Variants in OTOGL observed in about 807,000 individuals in gnomAD.
The protein encoded by OTOGL is otogelin-like protein.
A neutral mutation model predicts 318.5 loss-of-function variants in OTOGL; 285 were observed. The observed-to-expected ratio is 0.89, with a 90% CI of 0.81 to 0.99. The LOEUF (loss-of-function observed/expected upper bound fraction) is 0.99, where lower values mean the gene tolerates loss of function less well. Among genes scored for constraint, OTOGL ranks in the 50% least tolerant of loss-of-function variants. The pLI is 0.00. For missense variants in OTOGL, 2,899 were observed against 2,845.6 expected, an observed-to-expected ratio of 1.02 and a Z score of -0.43; for synonymous variants, 987 against 936.5, an observed-to-expected ratio of 1.05 and a Z score of -0.99.
chr12:80,301,495 A>G (rs1306467057), intron 27 of OTOGL, among the ~76,000 whole-genome samples: 1 of 152,214 alleles, frequency 6.6e-6, no homozygotes, highest in African/African-American at 2.4e-5. Flanking sequence ...GCTATGATCC[A>G]TCATGTAATT....
At chr12:80,223,189 C>A (rs1878514993) in intron 7 of OTOGL, among the ~76,000 whole-genome samples, 1 of 151,836 alleles carries the variant, frequency 6.6e-6, no homozygotes. Flanking sequence ...CCAATTCCAC[C>A]CAGGTTGCTG....
chr12:80,326,256 T>A (rs187129202), intron 35 of OTOGL, among the ~76,000 whole-genome samples: 4 of 152,160 alleles, frequency 2.6e-5, no homozygotes. Flanking sequence ...AAATGTTTCA[T>A]GAAAATTAGA....
At chr12:80,279,625 CT>C (rs1209998235) in intron 26 of OTOGL, among the ~76,000 whole-genome samples, 3 of 151,190 alleles carry the variant, frequency 2.0e-5, no homozygotes, top group Non-Finnish European at 4.4e-5. Context: ...AAAGACATTT[CT>C]TTCTTATGGC....
At chr12:80,194,217 A>G (rs894848573) in intron 1 of OTOGL, among the ~76,000 whole-genome samples, 12 of 152,226 alleles carry the variant, frequency 7.9e-5, no homozygotes, top group African/African-American at 2.2e-4. Flanking sequence ...GGAAATATGA[A>G]ACAGTTGGAA....
Position 80,299,534 on chromosome 12 carries a change from T to C in OTOGL, c.3063+2573T>C, listed in dbSNP as rs541845208. Among the ~76,000 whole-genome samples, 105 of 151,052 alleles carry C rather than the reference T, an allele frequency of 7.0e-4. 1 individual carries two copies. Among genetic ancestry groups the C allele is most frequent in the African/African-American group, 2.3e-3 (96 of 41,260 alleles). Reference sequence around the variant, plus strand: ...TTGACCCTAAAGAAATCCCCTGCAATATTTTTTCTCAAACATTGAAAGTGA... The same window carrying C: ...TTGACCCTAAAGAAATCCCCTGCAACATTTTTTCTCAAACATTGAAAGTGA... On this transcript the variant is annotated intron_variant, in intron 27 of 58. Coordinates refer to ENST00000547103, the MANE Select transcript of OTOGL (RefSeq NM_001378609.3).
In OTOGL at chr12:80,343,509, G is replaced by GTTTT. The variant is rs58046272; in HGVS notation, c.5265+1371_5265+1374dup. ...TACATTTTTATTATTTTTTATTCTT[G>GTTTT]TTTTTTTTTTTTTTTTTTTTTTTTT... On this transcript the variant is annotated intron_variant, in intron 44 of 58. Transcript: ENST00000547103. 13 of 35,828 alleles carry GTTTT rather than the reference G, an allele frequency of 3.6e-4. 1 individual carries two copies. Among genetic ancestry groups the GTTTT allele is most frequent in the East Asian group, 2.3e-3 (2 of 886 alleles). 2.2% of individuals were successfully genotyped at this position (35,828 alleles called of 1,614,324 possible).
chr12:80,261,819 G>A (rs1459929904), intron 18 of OTOGL, 150 bp from the exon 19 acceptor site: 21 of 920,900 alleles, frequency 2.3e-5, no homozygotes, highest in African/African-American at 1.0e-4. Flanking sequence ...GCTTAATATC[G>A]TTGTACTTTT....
chr12:80,168,753 T>C lies in OTOGL; in HGVS notation c.-19-40660T>C, dbSNP rs549595176. Among the ~76,000 whole-genome samples, 43 of 152,312 alleles carry C rather than the reference T, an allele frequency of 2.8e-4. No individual in the cohort carries two copies. The Middle Eastern group carries it at 0.017, about 60-fold the overall frequency. On this transcript the variant is annotated intron_variant, in intron 1 of 58. Transcript: ENST00000547103. ...ATGAACCTCAATGCCAAGTGTCTTA[T>C]CTTGTAAGTTATGATATCTTCTTTC...
intron 1 of OTOGL, among the ~76,000 whole-genome samples, chr12:80,126,014 A>G (rs1250917993): frequency 6.6e-6 from 1 of 152,042 alleles, no homozygotes; most frequent in African/African-American, 2.4e-5. Context: ...TGATTTTTTG[A>G]AGGGTTTTTT....
intron 49 of OTOGL, 144 bp downstream of exon 49, chr12:80,357,058 A>G: frequency 2.1e-6 from 1 of 469,482 alleles, no homozygotes; most frequent in African/African-American, 2.0e-5. Flanking sequence ...CTTGTAAAGA[A>G]AGTATGACAT....
chr12:80,294,782 A>AT (rs1172887060), intron 26 of OTOGL, among the ~76,000 whole-genome samples: 1 of 152,164 alleles, frequency 6.6e-6, no homozygotes, highest in Non-Finnish European at 1.5e-5. Flanking sequence ...AGTGTGAAGA[A>AT]TTTACATCAA....
chr12:80,137,163 C>T (rs952114462), intron 1 of OTOGL, among the ~76,000 whole-genome samples: 6 of 151,970 alleles, frequency 3.9e-5, no homozygotes, highest in Non-Finnish European at 1.5e-5. Context: ...AAATTTTATT[C>T]TATTAAGTCA....
chr12:80,366,527 AT>A, intron 52 of OTOGL, 46 bp from the exon 53 acceptor site: 1 of 323,268 alleles, frequency 3.1e-6, no homozygotes. Flanking sequence ...ATATATATAT[AT>A]ATAAAATAAG....
At chr12:80,154,158 A>T (rs1872965752) in intron 1 of OTOGL, among the ~76,000 whole-genome samples, 1 of 152,006 alleles carries the variant, frequency 6.6e-6, no homozygotes, top group Non-Finnish European at 1.5e-5. Flanking sequence ...AAAATACAAA[A>T]ATTAGCCAGG....
chr12:80,227,549 T>A (rs1878973578), intron 7 of OTOGL, among the ~76,000 whole-genome samples: 1 of 152,204 alleles, frequency 6.6e-6, no homozygotes, highest in African/African-American at 2.4e-5. Flanking sequence ...TGGGAGCTTG[T>A]TGGACTACTG....
chr12:80,126,457 C>T (rs1870844223), intron 1 of OTOGL, among the ~76,000 whole-genome samples: 1 of 152,068 alleles, frequency 6.6e-6, no homozygotes, highest in African/African-American at 2.4e-5. Context: ...GCTTTACTTC[C>T]AACTATGTGG....
intron 11 of OTOGL, among the ~76,000 whole-genome samples, chr12:80,243,550 C>T (rs1880564908): frequency 1.3e-5 from 2 of 151,136 alleles, no homozygotes; most frequent in East Asian, 3.9e-4. Flanking sequence ...ATGGTGAATA[C>T]AATAGAATTT....
At chr12:80,153,790 C>A (rs1259734078) in intron 1 of OTOGL, among the ~76,000 whole-genome samples, 1 of 152,142 alleles carries the variant, frequency 6.6e-6, no homozygotes, top group Non-Finnish European at 1.5e-5. Context: ...CAGAATGTCA[C>A]ATAGTTGGAA....
intron 11 of OTOGL, among the ~76,000 whole-genome samples, chr12:80,240,091 G>T (rs888845514): frequency 6.6e-6 from 1 of 151,936 alleles, no homozygotes; most frequent in African/African-American, 2.4e-5. Context: ...ATATTCCATT[G>T]TGTATATATA....
Sources: gnomAD v4.1 joint callset for allele counts (sites outside exome capture counted in the v4.1 genomes callset) on GRCh38, gnomAD v4.1.1 for gene constraint, MANE v1.5 for transcripts, NCBI Gene and HGNC (gene_info 2026-07-23, HGNC 2026-07-21) for gene names.